The following ITGAE variants were observed in gnomAD, a reference collection of about 807,000 sequenced individuals.
The protein encoded by ITGAE is integrin alpha-E.
ITGAE carries 99 observed loss-of-function variants against 136.5 expected under a neutral mutation model. The observed-to-expected ratio is 0.73, with a 90% CI of 0.62 to 0.86. The LOEUF is 0.86. ITGAE is among the 40% of genes least tolerant of loss of function. ITGAE has a pLI of 0.00. For synonymous variants in ITGAE, 613 were observed against 591.8 expected (o/e 1.04, Z -0.52); for missense variants, 1,447 against 1,515.3 (o/e 0.95, Z 0.75).
chr17:3,723,847 G>A (rs2051125012), intron 26 of ITGAE, 103 bp from the exon 27 acceptor site: 3 of 1,535,286 alleles, frequency 2.0e-6, no homozygotes, highest in South Asian at 2.5e-5. Context: ...CGCAGGGCCG[G>A]GAGCTAGGAC....
Position 3,757,740 on chromosome 17 carries a change from G to C in ITGAE, c.986C>G (p.Pro329Arg). Reference sequence around the variant, plus strand: ...AAAGCGCTCAACACCCTGCATTTTGGGGGAGTTGATGACTGTCGTAAGGTT... The same window carrying C: ...AAAGCGCTCAACACCCTGCATTTTGCGGGAGTTGATGACTGTCGTAAGGTT... ...PLNLTTVINS[P>R]KMQGVERFAI... Residue 329 changes from proline (P) to arginine (R), a missense_variant, in exon 9 of 31, where the codon CCC becomes CGC. This residue lies in a region of ITGAE where 310 missense variants were observed against 416.1 expected (regional missense o/e 0.74). Transcript: ENST00000263087. 3.7e-6 allele frequency: 6 copies of C among 1,614,122 alleles called. No homozygotes were observed. The highest frequency in any genetic ancestry group is 5.1e-6 in the Non-Finnish European group (6 of 1,180,028).
At chr17:3,720,645 G>A (rs543166958) in intron 28 of ITGAE, 57 of 307,576 alleles carry the variant, frequency 1.9e-4, no homozygotes, top group African/African-American at 1.2e-3. Context: ...GAAGTGGTGC[G>A]ATCTCGGCTC....
chr17:3,726,114 A>G (rs1295083362), intron 26 of ITGAE: 2 of 1,614,210 alleles, frequency 1.2e-6, no homozygotes, highest in Non-Finnish European at 1.7e-6. Flanking sequence ...GCTCATGAAG[A>G]AGGAGAATAA....
chr17:3,738,435 C>T (rs576134063), intron 20 of ITGAE, among the ~76,000 whole-genome samples: 43 of 152,194 alleles, frequency 2.8e-4, no homozygotes, highest in Non-Finnish European at 5.7e-4. Flanking sequence ...TCCCAAAGTG[C>T]TGGGATTACA....
chr17:3,754,981 G>GCC (rs556898195), intron 12 of ITGAE, 136 bp downstream of exon 12: 1 of 937,182 alleles, frequency 1.1e-6, no homozygotes, highest in South Asian at 2.0e-5. Context: ...CACCCAGGTA[G>GCC]CCCCCAGGCC....
At chr17:3,781,721 A>G (rs2052671907) in intron 1 of ITGAE, among the ~76,000 whole-genome samples, 1 of 152,186 alleles carries the variant, frequency 6.6e-6, no homozygotes, top group Non-Finnish European at 1.5e-5. Context: ...TTGGAGTGAA[A>G]TAGGGATACA....
chr17:3,723,872 G>A, intron 26 of ITGAE, 128 bp from the exon 27 acceptor site: 3 of 1,517,870 alleles, frequency 2.0e-6, no homozygotes, highest in Admixed American at 2.2e-5. Context: ...CGGCAGGCGG[G>A]CGCGTCCGCG....
chr17:3,729,650 A>G, intron 23 of ITGAE, 95 bp from the exon 24 acceptor site: 1 of 849,190 alleles, frequency 1.2e-6, no homozygotes. Flanking sequence ...GCAGGAGTGC[A>G]GTGTTGCCGT....
At chr17:3,800,529 A>G (rs1245565040) in intron 1 of ITGAE, among the ~76,000 whole-genome samples, 4 of 152,116 alleles carry the variant, frequency 2.6e-5, no homozygotes, top group African/African-American at 9.7e-5. Context: ...GGGACAGTTA[A>G]AGGCTAAAAT....
rs185589195 is a variant in ITGAE at position 3,772,526 on chromosome 17, C to T, written c.155+5014G>A. ...TCGCCCAGGCTGGAGTGCAGTGGCGCGATCTCGGCTCACTGCAAGCTCCGC... is the reference window on the plus strand; with the variant it reads ...TCGCCCAGGCTGGAGTGCAGTGGCGTGATCTCGGCTCACTGCAAGCTCCGC... On this transcript the variant is annotated intron_variant, in intron 2 of 30. Transcript: ENST00000263087. Among the ~76,000 whole-genome samples the T allele has an allele frequency of 3.2e-3, 476 of 150,028 alleles. 6 individuals carry two copies. Among genetic ancestry groups the T allele is most frequent in the Admixed American group, 6.2e-3 (93 of 15,010 alleles).
intron 10 of ITGAE, among the ~76,000 whole-genome samples, chr17:3,756,559 G>A (rs878874542): frequency 4.0e-5 from 6 of 151,878 alleles, no homozygotes; most frequent in Non-Finnish European, 8.8e-5. Context: ...GCACCACCAC[G>A]CCTGGCTACA....
At chr17:3,777,071 C>T (rs2052559179) in intron 2 of ITGAE, among the ~76,000 whole-genome samples, 1 of 151,976 alleles carries the variant, frequency 6.6e-6, no homozygotes, top group Admixed American at 6.6e-5. Context: ...CGCCATTCTC[C>T]TGCCTCAGCC....
At chr17:3,727,593 G>A (rs1352531519) in intron 26 of ITGAE, among the ~76,000 whole-genome samples, 2 of 151,986 alleles carry the variant, frequency 1.3e-5, no homozygotes, top group African/African-American at 4.8e-5. Flanking sequence ...TAGAGACGGG[G>A]TTTCACCGTG....
intron 1 of ITGAE, among the ~76,000 whole-genome samples, chr17:3,797,004 G>A (rs950773246): frequency 4.1e-5 from 6 of 147,466 alleles, no homozygotes; most frequent in African/African-American, 1.0e-4. Context: ...CCCCCACCTC[G>A]ATCTTCTACA....
chr17:3,796,478 T>C (rs1047656569), intron 1 of ITGAE, among the ~76,000 whole-genome samples: 1 of 152,112 alleles, frequency 6.6e-6, no homozygotes, highest in African/African-American at 2.4e-5. Context: ...CTCTGGGACA[T>C]GGGGCTGTGC....
intron 1 of ITGAE, among the ~76,000 whole-genome samples, chr17:3,791,508 C>A (rs377171577): frequency 6.6e-6 from 1 of 152,100 alleles, no homozygotes; most frequent in South Asian, 2.1e-4. Context: ...ATTTCAAACT[C>A]CTGACCTCAG....
intron 17 of ITGAE, 112 bp from the exon 18 acceptor site, chr17:3,746,039 G>T: frequency 2.1e-6 from 2 of 931,540 alleles, no homozygotes; most frequent in Non-Finnish European, 3.2e-6. Flanking sequence ...GTGTCCCCAT[G>T]CAGGTACTTC....
In ITGAE at chr17:3,752,030, C is replaced by T. The variant is rs573263781; in HGVS notation, c.1669-156G>A. ...CCGGTGGGTTCCCACTCCATTGCCA[C>T]CCAGGATGCACGCTCACTGGGCCGG... On this transcript the variant is annotated intron_variant, in intron 14 of 30. Coordinates refer to ENST00000263087, the MANE Select transcript of ITGAE (RefSeq NM_002208.5). 4.6e-3 allele frequency among the ~76,000 whole-genome samples: 700 copies of T among 150,730 alleles called. 5 individuals carry two copies. Among genetic ancestry groups the T allele is most frequent in the African/African-American group, 0.016 (674 of 40,920 alleles).
chr17:3,723,967 G>C, intron 26 of ITGAE: 1 of 1,573,498 alleles, frequency 6.4e-7, no homozygotes, highest in Non-Finnish European at 8.6e-7. Flanking sequence ...CCTGGGAGCC[G>C]GCTTTTCCGC....
Sources: allele counts gnomAD v4.1 joint callset (sites outside exome capture counted in the v4.1 genomes callset), GRCh38; gene constraint gnomAD v4.1.1; regional missense constraint gnomAD v4.1.1; transcripts MANE v1.5; gene names NCBI Gene and HGNC (gene_info 2026-07-23, HGNC 2026-07-21).